Variants in CSTPP1 observed in about 807,000 individuals in gnomAD.
The protein encoded by CSTPP1 is UPF0705 protein C11orf49.
At chr11:47,161,906 C>A in the CSTPP1 span, 2 of 1,240,206 alleles carry the variant, frequency 1.6e-6, no homozygotes, top group Non-Finnish European at 2.0e-6. Flanking sequence ...CACCTTGTCA[C>A]GCCGTAGCCT....
At chr11:47,016,653 G>A in the CSTPP1 span, among the ~76,000 whole-genome samples, 2 of 151,964 alleles carry the variant, frequency 1.3e-5, no homozygotes, top group South Asian at 4.1e-4. Context: ...ATTAATATAT[G>A]GTAACAAAGT....
chr11:47,018,111 A>G, the CSTPP1 span, among the ~76,000 whole-genome samples: 1 of 152,234 alleles, frequency 6.6e-6, no homozygotes, highest in East Asian at 1.9e-4. Context: ...TATATGTACC[A>G]CAATTTGTTT....
the CSTPP1 span, among the ~76,000 whole-genome samples, chr11:47,075,812 G>C: frequency 6.6e-6 from 1 of 151,440 alleles, no homozygotes; most frequent in Non-Finnish European, 1.5e-5. Flanking sequence ...CAGCTACTCA[G>C]GAGGCTGAGG....
chr11:47,161,616 A>T, the CSTPP1 span: 1 of 1,613,508 alleles, frequency 6.2e-7, no homozygotes, highest in South Asian at 1.1e-5. Context: ...TCCACTGAAG[A>T]GACAGACGAG....
chr11:47,114,523 G>T, the CSTPP1 span, among the ~76,000 whole-genome samples: 1 of 152,144 alleles, frequency 6.6e-6, no homozygotes, highest in African/African-American at 2.4e-5. Context: ...GTGGTTTGTA[G>T]TTCTCCTTGA....
At chr11:46,978,411 G>A in the CSTPP1 span, among the ~76,000 whole-genome samples, 2 of 152,210 alleles carry the variant, frequency 1.3e-5, no homozygotes, top group Non-Finnish European at 2.9e-5. Context: ...ATTCCTAAAA[G>A]TGATGAGTCA....
chr11:47,059,368 A>C, the CSTPP1 span, among the ~76,000 whole-genome samples: 1 of 152,268 alleles, frequency 6.6e-6, no homozygotes, highest in South Asian at 2.1e-4. Flanking sequence ...CTCTCTGCCA[A>C]AAAAAACCTG....
chr11:46,995,786 A>G, the CSTPP1 span, among the ~76,000 whole-genome samples: 2 of 152,204 alleles, frequency 1.3e-5, no homozygotes, highest in Non-Finnish European at 2.9e-5. Flanking sequence ...GTAGATGTCT[A>G]CTAGGTCTGC....
At chr11:47,101,783 A>T in the CSTPP1 span, among the ~76,000 whole-genome samples, 1 of 152,176 alleles carries the variant, frequency 6.6e-6, no homozygotes, top group Admixed American at 6.5e-5. Context: ...CGGGGTTGGC[A>T]GAAGCAAAAC....
the CSTPP1 span, among the ~76,000 whole-genome samples, chr11:46,950,655 A>G: frequency 3.3e-5 from 5 of 151,842 alleles, no homozygotes; most frequent in African/African-American, 7.3e-5. Context: ...TTTGTTGCCC[A>G]GGCTGGAGTG....
At chr11:46,991,196 G>GTTTTTTTTTT in the CSTPP1 span, among the ~76,000 whole-genome samples, 1 of 136,232 alleles carries the variant, frequency 7.3e-6, no homozygotes, top group Non-Finnish European at 1.6e-5. Flanking sequence ...CTTGAACATA[G>GTTTTTTTTTT]TTTTTTTTTT....
the CSTPP1 span, among the ~76,000 whole-genome samples, chr11:47,019,174 A>AT: frequency 6.6e-6 from 1 of 151,582 alleles, no homozygotes; most frequent in Non-Finnish European, 1.5e-5. Context: ...TGCCTGCCTA[A>AT]TTTTTTTGTA....
chr11:47,041,654 A>T, the CSTPP1 span: 1 of 436,178 alleles, frequency 2.3e-6, no homozygotes, highest in Admixed American at 3.1e-5. Context: ...TTCTCAAAGA[A>T]CTCACTGGGC....
chr11:47,012,107 T>TAA, the CSTPP1 span, among the ~76,000 whole-genome samples: 3 of 140,956 alleles, frequency 2.1e-5, no homozygotes, highest in African/African-American at 2.6e-5. Flanking sequence ...GTACCTCGTT[T>TAA]AAAAAAAAAA....
At chr11:46,957,061 C>T in the CSTPP1 span, among the ~76,000 whole-genome samples, 40 of 151,726 alleles carry the variant, frequency 2.6e-4, 1 homozygote, top group Admixed American at 1.9e-3. Context: ...GCATGGTTTT[C>T]GATGAACTTG....
chr11:46,945,275 T>C, the CSTPP1 span, among the ~76,000 whole-genome samples: 2 of 152,204 alleles, frequency 1.3e-5, no homozygotes, highest in East Asian at 3.8e-4. Context: ...ACTGACTTCC[T>C]AAATCTTTGG....
the CSTPP1 span, among the ~76,000 whole-genome samples, chr11:46,999,228 A>G: frequency 1.3e-5 from 2 of 150,826 alleles, no homozygotes; most frequent in African/African-American, 4.9e-5. Flanking sequence ...TGATAATAAT[A>G]ATAATATAAT....
the CSTPP1 span, chr11:47,161,331 G>T: frequency 6.3e-7 from 1 of 1,587,906 alleles, no homozygotes; most frequent in African/African-American, 1.3e-5. Flanking sequence ...GTGGAGGCCT[G>T]AGGTGTCCCT....
the CSTPP1 span, among the ~76,000 whole-genome samples, chr11:47,088,073 C>T: frequency 6.6e-6 from 1 of 152,192 alleles, no homozygotes; most frequent in Non-Finnish European, 1.5e-5. Flanking sequence ...GCCACAGTGC[C>T]TTTATCACTT....
Sources: gnomAD v4.1 joint callset for allele counts (sites outside exome capture counted in the v4.1 genomes callset) on GRCh38, gnomAD v4.1.1 for gene constraint, MANE v1.5 for transcripts, NCBI Gene and HGNC (gene_info 2026-07-23, HGNC 2026-07-21) for gene names.